CSMD1: variants seen among roughly 807,000 people sequenced by gnomAD.
CSMD1 encodes the protein CUB and Sushi multiple domains 1.
Under a neutral mutation model 417.5 loss-of-function variants are expected in CSMD1, and 213 were observed. The observed-to-expected ratio is 0.51, with a 90% CI of 0.46 to 0.57. The LOEUF (loss-of-function observed/expected upper bound fraction) is 0.57, where lower values mean the gene tolerates loss of function less well. Among genes scored for constraint, CSMD1 ranks in the 20% least tolerant of loss-of-function variants. The pLI is 0.00. For synonymous variants in CSMD1, 2,862 were observed against 1,736.8 expected, an observed-to-expected ratio of 1.65 and a Z score of -16.11; for missense variants, 6,923 against 4,529.7, an observed-to-expected ratio of 1.53 and a Z score of -15.17.
intron 6 of CSMD1, among the ~76,000 whole-genome samples, chr8:3,749,329 G>A (rs1487006657): frequency 9.9e-5 from 15 of 152,148 alleles, no homozygotes; most frequent in Non-Finnish European, 1.3e-4. Context: ...TTTCCCCTGC[G>A]TTTTCTACTA....
intron 36 of CSMD1, chr8:3,182,899 T>TGTGTGTGTGTGGGTG (rs1322714602): frequency 8.1e-6 from 1 of 123,640 alleles, no homozygotes; most frequent in Non-Finnish European, 1.6e-5. Flanking sequence ...TGTGTGTGTA[T>TGTGTGTGTGTGGGTG]TGTTAGTAGA....
intron 50 of CSMD1, among the ~76,000 whole-genome samples, chr8:3,036,672 G>A (rs996108314): frequency 6.6e-6 from 1 of 152,024 alleles, no homozygotes; most frequent in Non-Finnish European, 1.5e-5. Context: ...TTTGGTTTGG[G>A]TAAAAAATAA....
In CSMD1 at chr8:3,998,205, T is replaced by C. The variant is rs998410191; in HGVS notation, c.611-95A>G. On this transcript the variant is annotated intron_variant, in intron 4 of 69. Transcript: ENST00000635120. ...AGTGTCACTCTTGATCAGCGACAAA[T>C]ATTTTCTGAACCCAAAATTGAGACA... 5 of 1,151,036 alleles carry C rather than the reference T, an allele frequency of 4.3e-6. No individual in the cohort carries two copies. In the African/African-American group the frequency reaches 6.2e-5, roughly 14 times the overall value. 71.3% of individuals were successfully genotyped at this position (1,151,036 alleles called of 1,614,324 possible).
At chr8:3,643,492 G>C (rs950166581) in intron 7 of CSMD1, among the ~76,000 whole-genome samples, 3 of 152,050 alleles carry the variant, frequency 2.0e-5, no homozygotes, top group Admixed American at 6.5e-5. Flanking sequence ...CACAAGGTCA[G>C]GAGATCGAAA....
intron 2 of CSMD1, among the ~76,000 whole-genome samples, chr8:4,545,811 C>G (rs1797603884): frequency 6.6e-6 from 1 of 152,224 alleles, no homozygotes; most frequent in Admixed American, 6.5e-5. Context: ...AGCAAACTAG[C>G]TCATCATCTA....
chr8:3,806,544 C>T (rs1025095115), intron 5 of CSMD1, among the ~76,000 whole-genome samples: 2 of 152,160 alleles, frequency 1.3e-5, no homozygotes, highest in Non-Finnish European at 2.9e-5. Flanking sequence ...CACTCACTAC[C>T]TACACGCACA....
chr8:4,863,844 T>A (rs1287162068), intron 1 of CSMD1, among the ~76,000 whole-genome samples: 2 of 152,106 alleles, frequency 1.3e-5, no homozygotes, highest in Non-Finnish European at 2.9e-5. Flanking sequence ...TGAAATTTTT[T>A]ATACTTTTTC....
intron 11 of CSMD1, among the ~76,000 whole-genome samples, chr8:3,474,072 A>G (rs1031201275): frequency 3.3e-5 from 5 of 152,138 alleles, no homozygotes; most frequent in African/African-American, 1.2e-4. Context: ...TATAGAGATT[A>G]CAATTAGAGA....
intron 5 of CSMD1, among the ~76,000 whole-genome samples, chr8:3,901,333 T>A (rs545042604): frequency 6.6e-6 from 1 of 152,204 alleles, no homozygotes; most frequent in African/African-American, 2.4e-5. Flanking sequence ...TTCAACCCAA[T>A]CTCCAATTTA....
chr8:3,142,366 A>G, intron 41 of CSMD1, 99 bp downstream of exon 41: 1 of 1,050,514 alleles, frequency 9.5e-7, no homozygotes, highest in South Asian at 1.5e-5. Flanking sequence ...TTCCACTCGT[A>G]CAAGCTTGGA....
chr8:3,478,382 C>A lies in CSMD1; in HGVS notation c.1449-9558G>T, dbSNP rs964236417. ...GATTTCCTTTACTGAGTGCAGCCCA[C>A]ACTACTTAAAAGTATATGGACTGCC... is the stretch of plus-strand genomic sequence containing the variant. On this transcript the variant is annotated intron_variant, in intron 11 of 69. Coordinates refer to ENST00000635120, the MANE Select transcript of CSMD1 (RefSeq NM_033225.6). Among the ~76,000 whole-genome samples, 4 of 152,218 alleles carry A rather than the reference C, an allele frequency of 2.6e-5. No individual in the cohort carries two copies. The East Asian group carries it at 5.8e-4, about 22-fold the overall frequency.
At chr8:3,995,857 A>G (rs747276743) in intron 5 of CSMD1, among the ~76,000 whole-genome samples, 2 of 152,228 alleles carry the variant, frequency 1.3e-5, no homozygotes, top group Non-Finnish European at 2.9e-5. Flanking sequence ...ACATGAAGGC[A>G]CACAGGATCA....
At chr8:4,657,436 C>G (rs955194357) in intron 1 of CSMD1, among the ~76,000 whole-genome samples, 1 of 152,132 alleles carries the variant, frequency 6.6e-6, no homozygotes, top group African/African-American at 2.4e-5. Flanking sequence ...CTCTCTTTCT[C>G]ACTCACGCAC....
chr8:4,748,816 T>C (rs943997325), intron 1 of CSMD1, among the ~76,000 whole-genome samples: 3 of 152,226 alleles, frequency 2.0e-5, no homozygotes, highest in Non-Finnish European at 4.4e-5. Flanking sequence ...ATTGTGAACA[T>C]ATGCCCCTTC....
intron 51 of CSMD1, among the ~76,000 whole-genome samples, chr8:3,026,225 G>C (rs1809868905): frequency 6.6e-6 from 1 of 152,024 alleles, no homozygotes; most frequent in Admixed American, 6.6e-5. Context: ...CAGGAGCTTA[G>C]TATTTCCCCA....
At chr8:4,951,315 C>A (rs148996484) in intron 1 of CSMD1, among the ~76,000 whole-genome samples, 1 of 152,080 alleles carries the variant, frequency 6.6e-6, no homozygotes, top group African/African-American at 2.4e-5. Flanking sequence ...GAACTGCGGA[C>A]TTCACAAACC....
chr8:3,273,323 A>T (rs1802012209), intron 26 of CSMD1, among the ~76,000 whole-genome samples: 1 of 151,994 alleles, frequency 6.6e-6, no homozygotes, highest in East Asian at 1.9e-4. Flanking sequence ...GTGCTGCTGG[A>T]TTCGGTTTGC....
chr8:3,561,255 C>A (rs1799455156), intron 10 of CSMD1, among the ~76,000 whole-genome samples: 1 of 152,158 alleles, frequency 6.6e-6, no homozygotes, highest in African/African-American at 2.4e-5. Flanking sequence ...ACTGGAACTC[C>A]CACTTCACTC....
intron 10 of CSMD1, among the ~76,000 whole-genome samples, chr8:3,508,186 T>A (rs1282187978): frequency 6.6e-6 from 1 of 152,124 alleles, no homozygotes; most frequent in Non-Finnish European, 1.5e-5. Context: ...ACCAACCTCC[T>A]TGTCTCTTTG....
Sources: allele counts gnomAD v4.1 joint callset (sites outside exome capture counted in the v4.1 genomes callset), GRCh38; gene constraint gnomAD v4.1.1; transcripts MANE v1.5; gene names NCBI Gene and HGNC (gene_info 2026-07-23, HGNC 2026-07-21).